The following NFAT5 variants were observed in gnomAD, a reference collection of about 807,000 sequenced individuals.
NFAT5 encodes the protein nuclear factor of activated T-cells 5.
In NFAT5, 31 loss-of-function variants were observed where a neutral mutation model predicts 166.5. The observed-to-expected ratio is 0.19, with a 90% CI of 0.14 to 0.25. NFAT5 has a LOEUF of 0.25. Among genes scored for constraint, NFAT5 ranks in the 10% least tolerant of loss-of-function variants. The pLI, the probability that NFAT5 is intolerant of heterozygous loss-of-function variation, is 1.00. For missense variants in NFAT5, 1,449 were observed against 1,821.8 expected (o/e 0.80, Z 3.72); for synonymous variants, 612 against 639.7 (o/e 0.96, Z 0.65).
intron 2 of NFAT5, among the ~76,000 whole-genome samples, chr16:69,573,882 T>C (rs1248903624): frequency 1.3e-5 from 2 of 150,382 alleles, no homozygotes; most frequent in Non-Finnish European, 3.0e-5. Flanking sequence ...TTTTTTTTTT[T>C]TTTTTTTTGA....
intron 6 of NFAT5, among the ~76,000 whole-genome samples, chr16:69,656,866 T>A (rs1047707865): frequency 2.6e-4 from 39 of 152,210 alleles, no homozygotes; most frequent in Non-Finnish European, 1.8e-4. Context: ...AAAATATATA[T>A]CTTTAGATTT....
chr16:69,693,202 C>T lies in NFAT5; in HGVS notation c.3377C>T (p.Ser1126Phe). ...PIVHSQTSTT[S>F]SEQMQPPMFH... ...GTCCACAGTCAGACTTCTACAACCTCCTCTGAACAAATGCAGCCTCCAATG... is the reference window on the plus strand; with the variant it reads ...GTCCACAGTCAGACTTCTACAACCTTCTCTGAACAAATGCAGCCTCCAATG... Residue 1126 changes from serine (S) to phenylalanine (F), a missense_variant, in exon 13 of 15, where the codon TCC (serine) becomes TTC (phenylalanine). Coordinates refer to ENST00000349945, the MANE Select transcript of NFAT5 (RefSeq NM_138713.4). The T allele has an allele frequency of 1.2e-6, 2 of 1,614,198 alleles. No homozygotes were observed. The highest frequency in any genetic ancestry group is 1.7e-6 in the Non-Finnish European group (2 of 1,180,030).
chr16:69,613,170 T>A (rs975892974), intron 2 of NFAT5, among the ~76,000 whole-genome samples: 6 of 152,200 alleles, frequency 3.9e-5, no homozygotes, highest in Admixed American at 3.9e-4. Context: ...TAGCCAGTGA[T>A]CCAATTTAGT....
chr16:69,690,775 A>G (rs746298372), intron 11 of NFAT5, 165 bp from the exon 12 acceptor site: 11 of 459,764 alleles, frequency 2.4e-5, no homozygotes, highest in Non-Finnish European at 2.2e-5. Flanking sequence ...AATGCACTTC[A>G]TAAAAGGGAA....
chr16:69,584,411 C>T (rs2031903882), intron 2 of NFAT5, among the ~76,000 whole-genome samples: 1 of 151,370 alleles, frequency 6.6e-6, no homozygotes, highest in African/African-American at 2.4e-5. Context: ...TCACTGCAGC[C>T]TCCGCCTCCC....
intron 2 of NFAT5, among the ~76,000 whole-genome samples, chr16:69,571,869 C>A (rs945175964): frequency 1.3e-5 from 2 of 152,108 alleles, no homozygotes; most frequent in Non-Finnish European, 2.9e-5. Context: ...ACGCCATTCT[C>A]CTGCCTCAGC....
intron 10 of NFAT5, among the ~76,000 whole-genome samples, chr16:69,681,874 C>T (rs918904342): frequency 4.7e-5 from 7 of 149,134 alleles, no homozygotes; most frequent in African/African-American, 1.5e-4. Flanking sequence ...GCTGAGATCG[C>T]GCCACTGTAC....
chr16:69,693,665 G>A lies in NFAT5; in HGVS notation c.3840G>A (p.Gln1280=). The part of the protein sequence containing the change: ...QQQQQQQQQQ[Q]QQQQSILFSN... ...AGCAACAGCAGCAGCAACAGCAGCA[G>A]CAACAACAACAGAGCATTTTATTCA... The change falls in exon 13 of 15, where the codon CAG becomes CAA. Residue 1280 remains glutamine (Q), a synonymous_variant. Coordinates refer to ENST00000349945, the MANE Select transcript of NFAT5 (RefSeq NM_138713.4). 2.5e-6 allele frequency: 4 copies of A among 1,614,138 alleles called. No homozygotes were observed. Among genetic ancestry groups the A allele is most frequent in the Non-Finnish European group, 3.4e-6 (4 of 1,180,030 alleles).
At chr16:69,574,207 C>T (rs1038242844) in intron 2 of NFAT5, among the ~76,000 whole-genome samples, 1 of 151,970 alleles carries the variant, frequency 6.6e-6, no homozygotes, top group Non-Finnish European at 1.5e-5. Context: ...GTTGACTCCT[C>T]AGAGTATATT....
rs543589762 is a variant in NFAT5 at position 69,634,354 on chromosome 16, G to A, written c.253+7826G>A. Among the ~76,000 whole-genome samples the A allele has an allele frequency of 3.2e-4, 49 of 151,292 alleles. 1 individual carries two copies. In the South Asian group the frequency reaches 0.01, roughly 32 times the overall value. ...GAATATGAGTGGAAGCTACATGAGT[G>A]TTTTAAATATTTCATAATTTTAAAA... is the stretch of plus-strand genomic sequence containing the variant. On this transcript the variant is annotated intron_variant, in intron 3 of 14. Transcript: ENST00000349945.
intron 2 of NFAT5, among the ~76,000 whole-genome samples, chr16:69,579,569 T>C (rs1458043933): frequency 6.6e-6 from 1 of 152,140 alleles, no homozygotes; most frequent in African/African-American, 2.4e-5. Flanking sequence ...GTGTAAACTA[T>C]GGTAAATAAA....
At chr16:69,598,323 A>T (rs1203207861) in intron 2 of NFAT5, among the ~76,000 whole-genome samples, 3 of 149,132 alleles carry the variant, frequency 2.0e-5, no homozygotes, top group Admixed American at 1.4e-4. Flanking sequence ...GGCTGCAGTG[A>T]GCCATGATTG....
chr16:69,615,576 A>G (rs1219684776), intron 2 of NFAT5, among the ~76,000 whole-genome samples: 1 of 152,162 alleles, frequency 6.6e-6, no homozygotes. Flanking sequence ...ACACAGGTAT[A>G]TATACACATT....
intron 2 of NFAT5, among the ~76,000 whole-genome samples, chr16:69,616,370 A>G (rs1299687285): frequency 1.3e-5 from 2 of 152,006 alleles, no homozygotes; most frequent in Non-Finnish European, 1.5e-5. Context: ...TACTTAGGTT[A>G]TGATACCCTC....
chr16:69,638,463 G>A (rs2151604143), intron 3 of NFAT5, among the ~76,000 whole-genome samples: 1 of 152,234 alleles, frequency 6.6e-6, no homozygotes, highest in Non-Finnish European at 1.5e-5. Context: ...GCTGGGCACG[G>A]TGGCTCACGC....
chr16:69,567,470 TA>T (rs370482087), intron 1 of NFAT5, among the ~76,000 whole-genome samples: 2 of 151,478 alleles, frequency 1.3e-5, no homozygotes, highest in East Asian at 1.9e-4. Flanking sequence ...TTTCACCGTG[TA>T]AAAAAAAATG....
Position 69,618,040 on chromosome 16 carries a change from C to A in NFAT5, c.128-8363C>A, listed in dbSNP as rs539331842. Among the ~76,000 whole-genome samples, 4 of 151,990 alleles carry A rather than the reference C, an allele frequency of 2.6e-5. No homozygotes were observed. In the South Asian group the frequency reaches 6.2e-4, roughly 24 times the overall value. ...GGGCGTGGTGGCGAATGCCTGTAAT[C>A]CCAGCTATTTGGGAGGCTGAGGCAA... On this transcript the variant is annotated intron_variant, in intron 2 of 14. Transcript: ENST00000349945.
intron 3 of NFAT5, among the ~76,000 whole-genome samples, chr16:69,629,714 A>C (rs962653025): frequency 1.3e-5 from 2 of 150,948 alleles, no homozygotes; most frequent in Admixed American, 6.6e-5. Context: ...TACTGGGCTC[A>C]AGTGATCCTC....
At chr16:69,598,497 A>ACAC (rs923702372) in intron 2 of NFAT5, among the ~76,000 whole-genome samples, 6 of 152,066 alleles carry the variant, frequency 3.9e-5, no homozygotes, top group Admixed American at 1.3e-4. Context: ...GAAGACGGGC[A>ACAC]CACAATATCA....
Sources: allele counts gnomAD v4.1 joint callset (sites outside exome capture counted in the v4.1 genomes callset), GRCh38; gene constraint gnomAD v4.1.1; transcripts MANE v1.5; gene names NCBI Gene and HGNC (gene_info 2026-07-23, HGNC 2026-07-21).